The following LNPEP variants were observed in gnomAD, a reference collection of about 807,000 sequenced individuals.
The protein encoded by LNPEP is leucyl-cystinyl aminopeptidase.
A neutral mutation model predicts 120.6 loss-of-function variants in LNPEP; 64 were observed. That is an observed-to-expected ratio of 0.53 (90% CI 0.43 to 0.65). The LOEUF (loss-of-function observed/expected upper bound fraction) is 0.65. Ranked by LOEUF, LNPEP falls within the 30% of genes least tolerant of loss-of-function variation. The pLI is 0.00. For missense variants in LNPEP, 1,057 were observed against 1,200.0 expected (o/e 0.88, Z 1.76); for synonymous variants, 435 against 425.4 (o/e 1.02, Z -0.28).
At chr5:96,986,700 C>CT (rs776761095) in intron 4 of LNPEP, 30 bp downstream of exon 4, 100 of 1,609,664 alleles carry the variant, frequency 6.2e-5, no homozygotes, top group Non-Finnish European at 8.3e-5. Context: ...GTCTGAAAGC[C>CT]TGTGTCACAA....
chr5:96,963,111 C>T (rs1278388956), intron 1 of LNPEP, among the ~76,000 whole-genome samples: 1 of 152,164 alleles, frequency 6.6e-6, no homozygotes, highest in East Asian at 1.9e-4. Context: ...TGAGACACTG[C>T]ATGTGTTCCC....
chr5:97,000,358 G>C (rs1790618092), intron 8 of LNPEP, among the ~76,000 whole-genome samples: 1 of 152,162 alleles, frequency 6.6e-6, no homozygotes, highest in East Asian at 1.9e-4. Flanking sequence ...TAATATAGGA[G>C]GCCTGAGACT....
chr5:96,943,345 G>A (rs1453040513), intron 1 of LNPEP, among the ~76,000 whole-genome samples: 1 of 152,150 alleles, frequency 6.6e-6, no homozygotes, highest in Non-Finnish European at 1.5e-5. Context: ...CTGGAGTGCA[G>A]TGGCACGGCC....
At chr5:97,026,551 T>G (rs531365018) in intron 15 of LNPEP, 66 bp from the exon 16 acceptor site, 2 of 1,304,074 alleles carry the variant, frequency 1.5e-6, no homozygotes. Flanking sequence ...CTAATTTTAA[T>G]TTAAGTTCAG....
chr5:96,986,988 A>T (rs967274996), intron 4 of LNPEP, among the ~76,000 whole-genome samples: 4 of 152,348 alleles, frequency 2.6e-5, no homozygotes, highest in Non-Finnish European at 5.9e-5. Context: ...ATTTAAATAA[A>T]TAAAAATTAA....
In LNPEP at chr5:97,033,147, T is replaced by C. The variant is rs900210913; in HGVS notation, c.*4614T>C. Reference sequence around the variant, plus strand: ...CTACTACATTGTATTACTAATTTGGTTCACACTGTGTCCTTCTCATGGATG... The same window carrying C: ...CTACTACATTGTATTACTAATTTGGCTCACACTGTGTCCTTCTCATGGATG... On this transcript the variant is annotated 3_prime_UTR_variant, in exon 18 of 18. Transcript: ENST00000231368. 6.6e-6 allele frequency: 1 copy of C among 152,138 alleles called. No individual in the cohort carries two copies. The highest frequency in any genetic ancestry group is 2.4e-5 in the African/African-American group (1 of 41,406). 9.4% of individuals were successfully genotyped at this position (152,138 alleles called of 1,614,324 possible). A position where few individuals can be genotyped will look rare whatever the true frequency, so the allele number is the denominator to read the frequency against.
intron 13 of LNPEP, among the ~76,000 whole-genome samples, chr5:97,019,797 C>T (rs898482612): frequency 2.0e-5 from 3 of 151,910 alleles, no homozygotes; most frequent in Admixed American, 6.6e-5. Flanking sequence ...TCCTATTTGA[C>T]AGTTATGAGT....
chr5:97,003,784 G>T (rs27997), intron 9 of LNPEP, among the ~76,000 whole-genome samples: 93,887 of 149,120 alleles, frequency 0.63, 29,455 homozygotes, highest in South Asian at 0.74. Context: ...GTAGCCAGTT[G>T]TTTTTTTTTT....
intron 1 of LNPEP, chr5:96,936,405 C>T (rs1788873986): frequency 5.4e-6 from 2 of 372,696 alleles, no homozygotes; most frequent in South Asian, 7.8e-5. Context: ...CGCCGCCGCT[C>T]GCCCGGGGTG....
Position 96,938,391 on chromosome 5 carries a change from A to G in LNPEP, c.19+2217A>G, listed in dbSNP as rs941436581. On this transcript the variant is annotated intron_variant, in intron 1 of 17. Coordinates refer to ENST00000231368, the MANE Select transcript of LNPEP (RefSeq NM_005575.3). ...CTTACACTTTTTCATGTATCCCTAT[A>G]TATGTAGAGAGGTGTATGAGCTTAA... Among the ~76,000 whole-genome samples the G allele has an allele frequency of 4.6e-5, 7 of 152,200 alleles. No homozygotes were observed. In the East Asian group the frequency reaches 7.7e-4, roughly 17 times the overall value.
chr5:97,014,570 T>G (rs1476206304), intron 12 of LNPEP, among the ~76,000 whole-genome samples: 1 of 151,828 alleles, frequency 6.6e-6, no homozygotes, highest in African/African-American at 2.4e-5. Flanking sequence ...AAAAAAGAAA[T>G]CAGATACTCT....
intron 1 of LNPEP, among the ~76,000 whole-genome samples, chr5:96,970,948 C>CTGGTA (rs1475135845): frequency 6.6e-6 from 1 of 151,950 alleles, no homozygotes; most frequent in African/African-American, 2.4e-5. Flanking sequence ...TGTATTATTT[C>CTGGTA]TGGTATTCTC....
chr5:96,987,702 A>G (rs1790274647), intron 4 of LNPEP, among the ~76,000 whole-genome samples: 1 of 152,224 alleles, frequency 6.6e-6, no homozygotes, highest in Non-Finnish European at 1.5e-5. Context: ...TGGTAAGTGT[A>G]GACTGTAATA....
Position 96,979,983 on chromosome 5 carries a change from G to T in LNPEP, c.860+5G>T. 6.4e-7 allele frequency: 1 copy of T among 1,571,646 alleles called. No homozygotes were observed. The highest frequency in any genetic ancestry group is 8.6e-7 in the Non-Finnish European group (1 of 1,156,752). ...AGATGAAAGTAATGAGAAAAAGTAG[G>T]TAGCCCTCTTAAATGATTCTGGTTT... is the stretch of plus-strand genomic sequence containing the variant. On this transcript the variant is annotated splice_donor_5th_base_variant and intron_variant, in intron 2 of 17. Coordinates refer to ENST00000231368, the MANE Select transcript of LNPEP (RefSeq NM_005575.3).
chr5:97,000,288 G>A (rs2112637488), intron 8 of LNPEP, among the ~76,000 whole-genome samples: 1 of 152,266 alleles, frequency 6.6e-6, no homozygotes, highest in East Asian at 1.9e-4. Context: ...GTTTTCTTGG[G>A]GAAGAATATT....
At chr5:96,985,296 G>A in intron 3 of LNPEP, 78 bp downstream of exon 3, 1 of 1,180,000 alleles carries the variant, frequency 8.5e-7, no homozygotes, top group Non-Finnish European at 1.2e-6. Flanking sequence ...CTCTTTGCCA[G>A]ACTACAGTTG....
At chr5:96,946,953 C>T (rs1418882048) in intron 1 of LNPEP, among the ~76,000 whole-genome samples, 2 of 152,114 alleles carry the variant, frequency 1.3e-5, no homozygotes, top group African/African-American at 4.8e-5. Flanking sequence ...GATATGCATT[C>T]TTTGTTAAAT....
At position 96,954,758 on chromosome 5, in the gene LNPEP, A is replaced by G. The variant is rs1314903612; in HGVS notation, c.19+18584A>G. The stretch of plus-strand genomic sequence containing the variant: ...TACATATATATATACACATATATAT[A>G]TATATATATATATATTTTTTTTTTT... On this transcript the variant is annotated intron_variant, in intron 1 of 17. Coordinates refer to ENST00000231368, the MANE Select transcript of LNPEP (RefSeq NM_005575.3). Among the ~76,000 whole-genome samples, 8 of 45,310 alleles carry G rather than the reference A, an allele frequency of 1.8e-4. 2 individuals are homozygous for G. The highest frequency in any genetic ancestry group is 1.1e-3 in the South Asian group (2 of 1,788). The allele number at this position is 45,310 out of a possible 152,430, so 29.7% of individuals were successfully genotyped here.
At chr5:96,976,309 A>G (rs1789992693) in intron 1 of LNPEP, among the ~76,000 whole-genome samples, 1 of 152,164 alleles carries the variant, frequency 6.6e-6, no homozygotes, top group Non-Finnish European at 1.5e-5. Context: ...TGTGATCTCC[A>G]TTTCTGAAAG....
Sources: allele counts gnomAD v4.1 joint callset (sites outside exome capture counted in the v4.1 genomes callset), GRCh38; gene constraint gnomAD v4.1.1; transcripts MANE v1.5; gene names NCBI Gene and HGNC (gene_info 2026-07-23, HGNC 2026-07-21).